IGSF10: variants seen among roughly 807,000 people sequenced by gnomAD.
IGSF10 encodes immunoglobulin superfamily member 10.
IGSF10 carries 126 observed loss-of-function variants against 128.2 expected under a neutral mutation model. The ratio of observed to expected loss-of-function variants is 0.98; its 90% CI spans 0.85 to 1.14. The LOEUF (loss-of-function observed/expected upper bound fraction) is 1.14. Among genes scored for constraint, IGSF10 ranks in the 50% most tolerant of loss-of-function variants. IGSF10 has a pLI of 0.00. For missense variants in IGSF10, 3,295 were observed against 3,149.8 expected, an observed-to-expected ratio of 1.05 and a Z score of -1.10; for synonymous variants, 1,185 against 1,146.2, an observed-to-expected ratio of 1.03 and a Z score of -0.68.
In IGSF10 at chr3:151,437,600, C is replaced by T; in HGVS notation, c.6961G>A (p.Glu2321Lys). ...FICVARNEGGESVLVVQLEVL... is the reference protein window; with the variant it reads ...FICVARNEGGKSVLVVQLEVL... ...TCTAACTGTACTACCAACACGCTCT[C>T]TCCACCTTCATTTCGGGCCACACAG... Residue 2321 changes from glutamate (E) to lysine (K), a missense_variant, in exon 8 of 8, where the codon GAG becomes AAG. Coordinates refer to ENST00000282466, the MANE Select transcript of IGSF10 (RefSeq NM_178822.5). 1.2e-6 allele frequency: 2 copies of T among 1,614,182 alleles called. No homozygotes were observed. Among genetic ancestry groups the T allele is most frequent in the Non-Finnish European group, 1.7e-6 (2 of 1,180,034 alleles).
At chr3:151,460,223 G>A (rs983751498) in intron 2 of IGSF10, 38 bp downstream of exon 2, 4 of 589,326 alleles carry the variant, frequency 6.8e-6, no homozygotes, top group Admixed American at 6.3e-5. Flanking sequence ...CAAACGTAAG[G>A]CTGAAAATGT....
chr3:151,611,427 G>A, the IGSF10 span, among the ~76,000 whole-genome samples: 11 of 152,312 alleles, frequency 7.2e-5, no homozygotes, highest in African/African-American at 2.6e-4. Flanking sequence ...TTGTGAGTGT[G>A]CAGAGATTCA....
At chr3:151,495,952 T>C in the IGSF10 span, among the ~76,000 whole-genome samples, 74 of 152,278 alleles carry the variant, frequency 4.9e-4, no homozygotes, top group African/African-American at 1.7e-3. Flanking sequence ...ATTTTTACCA[T>C]ATTTGCTTAT....
chr3:151,438,354 C>G lies in IGSF10; in HGVS notation c.6207G>C (p.Glu2069Asp). Reference sequence around the variant, plus strand: ...TTCCATCAGGCAAACTCCAAGATATCTCTGGCACTGGGGAGCCGGAAGCTT... The same window carrying G: ...TTCCATCAGGCAAACTCCAAGATATGTCTGGCACTGGGGAGCCGGAAGCTT... ...DCKASGSPVP[E>D]ISWSLPDGTM... The change falls in exon 8 of 8, where the codon GAG (glutamate) becomes GAC (aspartate). Residue 2069 changes from glutamate to aspartate, a missense_variant. By Grantham distance (45) the Glu-to-Asp change is conservative. Transcript: ENST00000282466. The G allele has an allele frequency of 6.2e-7, 1 of 1,614,182 alleles. No individual in the cohort carries two copies. Among genetic ancestry groups the G allele is most frequent in the Non-Finnish European group, 8.5e-7 (1 of 1,180,030 alleles).
the IGSF10 span, among the ~76,000 whole-genome samples, chr3:151,486,374 G>T: frequency 6.6e-6 from 1 of 152,086 alleles, no homozygotes; most frequent in African/African-American, 2.4e-5. Context: ...AATAGTGGGA[G>T]ACTTTAACAC....
chr3:151,458,812 C>A, intron 2 of IGSF10, 102 bp from the exon 3 acceptor site: 2 of 903,938 alleles, frequency 2.2e-6, no homozygotes, highest in Non-Finnish European at 3.4e-6. Flanking sequence ...CTTTAAGGGT[C>A]GTAAGTGGTC....
downstream of IGSF10, chr3:151,434,810 T>C (rs1719915222): frequency 6.6e-6 from 1 of 152,254 alleles, no homozygotes; most frequent in African/African-American, 2.4e-5. Context: ...GTGTTATAAT[T>C]GCATAGCATT....
the IGSF10 span, among the ~76,000 whole-genome samples, chr3:151,514,870 CTCA>C: frequency 6.6e-6 from 1 of 152,260 alleles, no homozygotes; most frequent in South Asian, 2.1e-4. Context: ...TGAAAAAATG[CTCA>C]TCATCATTGG....
At chr3:151,501,109 C>A in the IGSF10 span, among the ~76,000 whole-genome samples, 2 of 151,944 alleles carry the variant, frequency 1.3e-5, no homozygotes, top group Admixed American at 6.6e-5. Flanking sequence ...TGATTATAAG[C>A]GTGTGGATAA....
chr3:151,447,370 A>T lies in IGSF10; in HGVS notation c.2611T>A (p.Ser871Thr), dbSNP rs780955817. ...LSTAIKTTAM[S>T]KNINPTMSSQ... is the part of the protein sequence containing the mutation. ...GACATGGTTGGGTTTATATTCTTTGACATGGCTGTAGTTTTAATAGCAGTA... is the reference window on the plus strand; with the variant it reads ...GACATGGTTGGGTTTATATTCTTTGTCATGGCTGTAGTTTTAATAGCAGTA... The change falls in exon 6 of 8, where the codon TCA becomes ACA. Residue 871 changes from serine (S) to threonine (T), a missense_variant. Coordinates refer to ENST00000282466, the MANE Select transcript of IGSF10 (RefSeq NM_178822.5). 1.2e-6 allele frequency: 2 copies of T among 1,614,180 alleles called. No homozygotes were observed. The highest frequency in any genetic ancestry group is 8.5e-7 in the Non-Finnish European group (1 of 1,180,014).
rs757295002 is a variant in IGSF10 at position 151,437,547 on chromosome 3, T to C, written c.7014A>G (p.Thr2338=). The C allele has an allele frequency of 7.4e-6, 12 of 1,614,118 alleles. No individual in the cohort carries two copies. The highest frequency in any genetic ancestry group is 9.3e-6 in the Non-Finnish European group (11 of 1,180,048). ...LEVLEMLRRP[T]FRNPFNEKIV... is the part of the protein sequence containing the mutation. ...TTTTTTCATTAAATGGATTTCTAAA[T>C]GTCGGTCTTCTCAGCATTTCCAGTA... is the stretch of plus-strand genomic sequence containing the variant. Residue 2338 remains threonine, a synonymous_variant, in exon 8 of 8, where the codon ACA becomes ACG. Transcript: ENST00000282466.
chr3:151,517,680 G>C, the IGSF10 span, among the ~76,000 whole-genome samples: 1 of 151,898 alleles, frequency 6.6e-6, no homozygotes, highest in African/African-American at 2.4e-5. Flanking sequence ...TGACCGAAAG[G>C]GAGGAATTTT....
chr3:151,599,337 C>T, the IGSF10 span, among the ~76,000 whole-genome samples: 18 of 152,124 alleles, frequency 1.2e-4, no homozygotes, highest in Non-Finnish European at 2.4e-4. Context: ...AACTGGCCTG[C>T]GGGTTAAGGA....
the IGSF10 span, among the ~76,000 whole-genome samples, chr3:151,500,038 TA>T: frequency 6.6e-6 from 1 of 152,174 alleles, no homozygotes; most frequent in Non-Finnish European, 1.5e-5. Context: ...TAAAATCATT[TA>T]AAAATAGCAG....
chr3:151,474,386 C>T, the IGSF10 span, among the ~76,000 whole-genome samples: 2 of 152,148 alleles, frequency 1.3e-5, no homozygotes, highest in African/African-American at 2.4e-5. Flanking sequence ...AGTTGGTTTG[C>T]ACATAATCCT....
chr3:151,527,278 CT>C, the IGSF10 span, among the ~76,000 whole-genome samples: 4 of 152,024 alleles, frequency 2.6e-5, no homozygotes, highest in East Asian at 5.8e-4. Flanking sequence ...TGGATTCACT[CT>C]TTTTTTTGGC....
At chr3:151,459,807 A>C (rs1043235171) in intron 2 of IGSF10, among the ~76,000 whole-genome samples, 1 of 152,226 alleles carries the variant, frequency 6.6e-6, no homozygotes, top group African/African-American at 2.4e-5. Flanking sequence ...AATTTGTAAT[A>C]AATCCCACCG....
chr3:151,508,662 C>T, the IGSF10 span, among the ~76,000 whole-genome samples: 2 of 152,110 alleles, frequency 1.3e-5, no homozygotes, highest in Admixed American at 1.3e-4. Context: ...AAAAGCTTTA[C>T]AAAATCAAAT....
chr3:151,528,949 C>T, the IGSF10 span, among the ~76,000 whole-genome samples: 8 of 151,734 alleles, frequency 5.3e-5, no homozygotes, highest in Non-Finnish European at 8.8e-5. Context: ...AGCTAAGATC[C>T]ACCGGCGTGA....
Sources: allele counts gnomAD v4.1 joint callset (sites outside exome capture counted in the v4.1 genomes callset), GRCh38; gene constraint gnomAD v4.1.1; transcripts MANE v1.5; gene names NCBI Gene and HGNC (gene_info 2026-07-23, HGNC 2026-07-21).